Variants in IL17REL observed in about 807,000 individuals in gnomAD.
IL17REL encodes interleukin-17 receptor E-like protein.
Under a neutral mutation model 49.0 loss-of-function variants are expected in IL17REL, and 36 were observed. That is an observed-to-expected ratio of 0.73 (90% CI 0.56 to 0.97). The LOEUF (loss-of-function observed/expected upper bound fraction) is 0.97, where lower values mean the gene tolerates loss of function less well. IL17REL is among the 50% of genes least tolerant of loss of function. The probability of loss-of-function intolerance (pLI) is 0.00; values close to 1 mark genes in which losing one functional copy is unlikely to be tolerated. For synonymous variants in IL17REL, 206 were observed against 192.4 expected (o/e 1.07, Z -0.58); for missense variants, 470 against 453.9 (o/e 1.04, Z -0.32).
exon 4 of IL17REL, chr22:50,000,575 G>A (rs1432601662): frequency 6.2e-7 from 1 of 1,613,322 alleles, no homozygotes; most frequent in African/African-American, 1.3e-5. Flanking sequence ...CCGCAAAGCA[G>A]CCAAAGTGCA....
At chr22:49,999,846 G>C in exon 5 of IL17REL, 1 of 1,519,610 alleles carries the variant, frequency 6.6e-7, no homozygotes, top group Non-Finnish European at 8.8e-7. Flanking sequence ...GGGCGCCGGC[G>C]TCCTCGCAGG....
chr22:50,003,096 C>T (rs576805099), intron 1 of IL17REL, among the ~76,000 whole-genome samples: 6 of 152,234 alleles, frequency 3.9e-5, no homozygotes, highest in African/African-American at 1.4e-4. Flanking sequence ...GGCAGCCGGA[C>T]CGAGTATGAG....
chr22:50,005,347 C>CT lies in IL17REL; in HGVS notation c.-42+3289dup, dbSNP rs1230551517. Among the ~76,000 whole-genome samples the CT allele has an allele frequency of 3.3e-5, 5 of 152,192 alleles. 1 individual carries two copies. In the East Asian group the frequency reaches 9.7e-4, roughly 29 times the overall value. On this transcript the variant is annotated intron_variant, in intron 1 of 12. Coordinates refer to ENST00000341280, the Ensembl canonical transcript of IL17REL. ...CCACAGAGTCTTACTGAAAAAACGC[C>CT]TAACAGATGTGCTTGCTTCAGGAAG...
At chr22:50,009,862 G>T (rs1388298670), upstream of IL17REL, among the ~76,000 whole-genome samples, 1 of 152,234 alleles carries the variant, frequency 6.6e-6, no homozygotes, top group Non-Finnish European at 1.5e-5. Flanking sequence ...ACAGTTTCCC[G>T]TGCATCTGCA....
intron 4 of IL17REL, 110 bp from the exon 6 acceptor site, chr22:50,000,350 T>G: frequency 1.4e-6 from 1 of 737,640 alleles, no homozygotes; most frequent in East Asian, 2.5e-5. Context: ...CGACCTCGAA[T>G]TAAGCCAGAG....
chr22:50,004,293 G>T (rs766469504), intron 1 of IL17REL, among the ~76,000 whole-genome samples: 3 of 152,142 alleles, frequency 2.0e-5, no homozygotes, highest in Admixed American at 6.5e-5. Context: ...TGGCCAGGCT[G>T]GTCTTGAACT....
chr22:50,006,927 C>T (rs182778991), intron 1 of IL17REL, among the ~76,000 whole-genome samples: 4 of 128,886 alleles, frequency 3.1e-5, no homozygotes, highest in Admixed American at 9.0e-5. Flanking sequence ...TGCACTTCAG[C>T]GTGGGCAAAA....
intron 1 of IL17REL, among the ~76,000 whole-genome samples, chr22:50,008,122 C>A (rs547966238): frequency 1.7e-3 from 261 of 152,002 alleles, no homozygotes; most frequent in Middle Eastern, 3.4e-3. Context: ...GAAAAAAAAC[C>A]CCAAAATGCC....
At position 49,996,992 on chromosome 22, in the gene IL17REL, A is replaced by G; in HGVS notation, c.*44+2T>C. The G allele has an allele frequency of 3.4e-6, 5 of 1,487,624 alleles. No individual in the cohort carries two copies. Among genetic ancestry groups the G allele is most frequent in the Non-Finnish European group, 4.5e-6 (5 of 1,104,192 alleles). 92.2% of individuals were successfully genotyped at this position (1,487,624 alleles called of 1,614,324 possible). A position where few individuals can be genotyped will look rare whatever the true frequency, so the allele number is the denominator to read the frequency against. ...GGGGCTGGGCACAGCAGCGACACCC[A>G]CCTGGATGCAGATGCCTGGGGCACA... On this transcript the variant is annotated splice_donor_variant, in intron 12 of 12. Coordinates refer to ENST00000341280, the Ensembl canonical transcript of IL17REL. LOFTEE classifies it low-confidence loss of function (3UTR_SPLICE).
chr22:50,005,516 C>T (rs557586168), intron 1 of IL17REL, among the ~76,000 whole-genome samples: 1 of 152,178 alleles, frequency 6.6e-6, no homozygotes, highest in South Asian at 2.1e-4. Context: ...TTTAAAAATA[C>T]CTGGGCCGGG....
At chr22:49,997,344 C>T (rs771301365) in exon 11 of IL17REL, 2 of 1,613,784 alleles carry the variant, frequency 1.2e-6, no homozygotes, top group Non-Finnish European at 1.7e-6. Context: ...GCGGGCTGGC[C>T]TGGAGTGTGC....
chr22:49,999,222 C>T (rs1264633600), intron 7 of IL17REL, 69 bp downstream of exon 9: 2 of 1,568,594 alleles, frequency 1.3e-6, no homozygotes, highest in South Asian at 1.1e-5. Flanking sequence ...CACGTCAGTC[C>T]TCATGGTGGA....
upstream of IL17REL, among the ~76,000 whole-genome samples, chr22:50,009,692 C>T (rs1482188027): frequency 3.3e-5 from 5 of 152,212 alleles, no homozygotes; most frequent in East Asian, 5.8e-4. Flanking sequence ...GACTTCTGCT[C>T]CTAGCCCAGG....
chr22:49,997,294 G>A lies in IL17REL; in HGVS notation c.974+26C>T, dbSNP rs200023522. 124 of 1,605,482 alleles carry A rather than the reference G, an allele frequency of 7.7e-5. 1 individual carries two copies. In the East Asian group the frequency reaches 2.5e-3, roughly 33 times the overall value. The stretch of plus-strand genomic sequence containing the variant: ...GCCGCCACCACCCCCACCTCCCCAG[G>A]ATGGAGCCCCACTCTCTCGGCTCAC... On this transcript the variant is annotated intron_variant, in intron 11 of 12. Coordinates refer to ENST00000341280, the Ensembl canonical transcript of IL17REL.
Position 50,001,236 on chromosome 22 carries a change from G to A in IL17REL, c.-41-5C>T. The A allele has an allele frequency of 8.0e-7, 1 of 1,249,666 alleles. No homozygotes were observed. Among genetic ancestry groups the A allele is most frequent in the Non-Finnish European group, 1.1e-6 (1 of 873,920 alleles). The allele number at this position is 1,249,666 out of a possible 1,614,324, so 77.4% of individuals were successfully genotyped here. ...AGAAGCTGTTAAAAATGTTCCCTGG[G>A]GAGGGAGAAGGAGCGTGAGGCCTCG... is the stretch of plus-strand genomic sequence containing the variant. On this transcript the variant is annotated splice_region_variant and splice_polypyrimidine_tract_variant and intron_variant, in intron 1 of 12. Transcript: ENST00000341280.
chr22:49,997,810 G>A, intron 9 of IL17REL, 68 bp from the exon 12 acceptor site: 1 of 1,517,722 alleles, frequency 6.6e-7, no homozygotes, highest in Non-Finnish European at 9.1e-7. Context: ...ACAGGGGCAG[G>A]GACAGGGACA....
chr22:50,000,713 G>C (rs765563857), intron 3 of IL17REL, 41 bp downstream of exon 4: 9 of 1,549,834 alleles, frequency 5.8e-6, no homozygotes, highest in Non-Finnish European at 7.9e-6. Flanking sequence ...GTGGCGCCCA[G>C]TCTTCGGGAC....
intron 1 of IL17REL, 61 bp downstream of exon 2, chr22:50,008,576 C>G (rs553027323): frequency 6.6e-6 from 1 of 152,662 alleles, no homozygotes; most frequent in South Asian, 2.1e-4. Context: ...CAAAGCGGCC[C>G]TGGTAGCCTG....
At position 49,999,427 on chromosome 22, in the gene IL17REL, C is replaced by T. The variant is rs768810910; in HGVS notation, c.546+4G>A. Reference sequence around the variant, plus strand: ...CCCCAAGTCCAGGCCACACCTCCACCGACCTCCAGGCACAGGCACGGCAGC... The same window carrying T: ...CCCCAAGTCCAGGCCACACCTCCACTGACCTCCAGGCACAGGCACGGCAGC... On this transcript the variant is annotated splice_donor_region_variant and intron_variant, in intron 6 of 12. Coordinates refer to ENST00000341280, the Ensembl canonical transcript of IL17REL. The T allele has an allele frequency of 6.2e-6, 10 of 1,612,476 alleles. No individual in the cohort carries two copies. The South Asian group carries it at 6.6e-5, about 11-fold the overall frequency.
Sources: allele counts gnomAD v4.1 joint callset (sites outside exome capture counted in the v4.1 genomes callset), GRCh38; gene constraint gnomAD v4.1.1; transcripts MANE v1.5; gene names NCBI Gene and HGNC (gene_info 2026-07-23, HGNC 2026-07-21).